Variants in C1orf52 observed in about 807,000 individuals in gnomAD.
The protein encoded by C1orf52 is UPF0690 protein C1orf52.
Under a neutral mutation model 17.2 loss-of-function variants are expected in C1orf52, and 5 were observed. The ratio of observed to expected loss-of-function variants is 0.29; its 90% CI spans 0.15 to 0.61. The LOEUF (loss-of-function observed/expected upper bound fraction) is 0.61. Among genes scored for constraint, C1orf52 ranks in the 20% least tolerant of loss-of-function variants. The pLI, the probability that C1orf52 is intolerant of heterozygous loss-of-function variation, is 0.85. For missense variants in C1orf52, 245 were observed against 234.1 expected (o/e 1.05, Z -0.30); for synonymous variants, 110 against 88.0 (o/e 1.25, Z -1.40).
intron 2 of C1orf52, among the ~76,000 whole-genome samples, chr1:85,254,173 T>G (rs1008914129): frequency 6.6e-6 from 1 of 152,144 alleles, no homozygotes; most frequent in Non-Finnish European, 1.5e-5. Context: ...TCAATACCAT[T>G]CATCTTCACT....
At position 85,259,618 on chromosome 1, in the gene C1orf52, T is replaced by C. The variant is rs544182512; in HGVS notation, c.16A>G (p.Lys6Glu). 4 of 1,562,036 alleles carry C rather than the reference T, an allele frequency of 2.6e-6. No individual in the cohort carries two copies. Among genetic ancestry groups the C allele is most frequent in the African/African-American group, 2.7e-5 (2 of 73,506 alleles). Residue 6 changes from lysine (K) to glutamate (E), a missense_variant, in exon 1 of 3, where the codon AAG (lysine) becomes GAG (glutamate). Physicochemically the swap from Lys to Glu is moderately conservative, Grantham distance 56. Coordinates refer to ENST00000471115, the MANE Select transcript of C1orf52 (RefSeq NM_198077.4). ...GCCGCAAAATAGCTCAGAGGGTCCTTCTCCTCCGCTGCCATGACGGCTGCG... is the reference window on the plus strand; with the variant it reads ...GCCGCAAAATAGCTCAGAGGGTCCTCCTCCTCCGCTGCCATGACGGCTGCG... MAAEE[K>E]DPLSYFAAYG...
intron 2 of C1orf52, among the ~76,000 whole-genome samples, chr1:85,256,814 A>AAAAAAAAAAAAAAG (rs1553178011): frequency 7.6e-4 from 82 of 108,166 alleles, no homozygotes; most frequent in Non-Finnish European, 1.0e-3. Context: ...AAAAAAAAAA[A>AAAAAAAAAAAAAAG]AAAAGAAAAG....
At chr1:85,259,266 G>T (rs1260608686) in intron 1 of C1orf52, 92 bp downstream of exon 1, 15 of 1,448,624 alleles carry the variant, frequency 1.0e-5, no homozygotes, top group Middle Eastern at 4.5e-4. Context: ...GACTGCGTGT[G>T]GGGGGATGGA....
At chr1:85,253,478 ATTT>A (rs1330244729) in intron 2 of C1orf52, among the ~76,000 whole-genome samples, 2 of 152,116 alleles carry the variant, frequency 1.3e-5, no homozygotes, top group Non-Finnish European at 2.9e-5. Context: ...TCTATTTGGA[ATTT>A]TATTCTAGTA....
In C1orf52 at chr1:85,251,243, G is replaced by A. The variant is rs1388375142; in HGVS notation, c.*1386C>T. 1 of 152,134 alleles carries A rather than the reference G, an allele frequency of 6.6e-6. No individual in the cohort carries two copies. Among genetic ancestry groups the A allele is most frequent in the Non-Finnish European group, 1.5e-5 (1 of 68,020 alleles). 9.4% of individuals were successfully genotyped at this position (152,134 alleles called of 1,614,324 possible). On this transcript the variant is annotated 3_prime_UTR_variant, in exon 3 of 3. Coordinates refer to ENST00000471115, the MANE Select transcript of C1orf52 (RefSeq NM_198077.4). ...CTAAATTATTTTTTGTAAAGATGAG[G>A]TCTTATCATGTTGTCTAGGCTGGTC...
chr1:85,257,376 C>T (rs530720380), intron 2 of C1orf52: 3 of 677,534 alleles, frequency 4.4e-6, no homozygotes, highest in Non-Finnish European at 5.4e-6. Flanking sequence ...AGTTTACTAG[C>T]CAGAGATAAG....
At chr1:85,257,744 G>A (rs1447623304) in intron 2 of C1orf52, among the ~76,000 whole-genome samples, 1 of 152,190 alleles carries the variant, frequency 6.6e-6, no homozygotes. Context: ...TTACTATGTA[G>A]TAATGCTCAG....
intron 2 of C1orf52, chr1:85,257,367 G>A (rs1287885526): frequency 1.2e-5 from 8 of 667,234 alleles, no homozygotes; most frequent in Non-Finnish European, 2.2e-5. Flanking sequence ...GGATGAATTA[G>A]TTTACTAGCC....
At chr1:85,257,030 T>A (rs1659961212) in intron 2 of C1orf52, among the ~76,000 whole-genome samples, 1 of 152,116 alleles carries the variant, frequency 6.6e-6, no homozygotes, top group South Asian at 2.1e-4. Context: ...AAAACATCAC[T>A]CCCTGCATGA....
In C1orf52 at chr1:85,251,048, T is replaced by C. The variant is rs1659789512; in HGVS notation, c.*1581A>G. On this transcript the variant is annotated 3_prime_UTR_variant, in exon 3 of 3. Transcript: ENST00000471115. ...CCATCATGCTGTTATGGACCTTCAT[T>C]CCACAAAGCACCATGGCTGATGCAA... 6.6e-6 allele frequency: 1 copy of C among 152,208 alleles called. No homozygotes were observed. The highest frequency in any genetic ancestry group is 1.5e-5 in the Non-Finnish European group (1 of 68,030). The allele number at this position is 152,208 out of a possible 1,614,324, so 9.4% of individuals were successfully genotyped here.
Position 85,251,639 on chromosome 1 carries a change from T to G in C1orf52, c.*990A>C, listed in dbSNP as rs1659804915. On this transcript the variant is annotated 3_prime_UTR_variant, in exon 3 of 3. Transcript: ENST00000471115. ...TTGAATTTCAGATAAACACATTTTTTGTATATGTCCTGAATATTAAATATA... is the reference window on the plus strand; with the variant it reads ...TTGAATTTCAGATAAACACATTTTTGGTATATGTCCTGAATATTAAATATA... 6.6e-6 allele frequency: 1 copy of G among 152,244 alleles called. No homozygotes were observed. Among genetic ancestry groups the G allele is most frequent in the South Asian group, 2.1e-4 (1 of 4,834 alleles). 9.4% of individuals were successfully genotyped at this position (152,244 alleles called of 1,614,324 possible).
Position 85,251,500 on chromosome 1 carries a change from T to C in C1orf52, c.*1129A>G, listed in dbSNP as rs908894139. 1 of 152,222 alleles carries C rather than the reference T, an allele frequency of 6.6e-6. No homozygotes were observed. Among genetic ancestry groups the C allele is most frequent in the South Asian group, 2.1e-4 (1 of 4,834 alleles). The allele number at this position is 152,222 out of a possible 1,614,324, so 9.4% of individuals were successfully genotyped here. ...ATTTTGGAACTCAACGATCACACCT[T>C]CCCAACTACTTCTTGTTCATTTTAT... On this transcript the variant is annotated 3_prime_UTR_variant, in exon 3 of 3. Transcript: ENST00000471115.
At chr1:85,256,814 A>AAG (rs1553178013) in intron 2 of C1orf52, among the ~76,000 whole-genome samples, 6 of 108,178 alleles carry the variant, frequency 5.5e-5, no homozygotes, top group African/African-American at 7.4e-5. Context: ...AAAAAAAAAA[A>AAG]AAAAGAAAAG....
chr1:85,252,341 T>C lies in C1orf52; in HGVS notation c.*288A>G, dbSNP rs1659820845. On this transcript the variant is annotated 3_prime_UTR_variant, in exon 3 of 3. Transcript: ENST00000471115. Reference sequence around the variant, plus strand: ...AAAGGTTTATAAGAACATTGGCATGTCAACATGTGACAAAACTCTCAAAGC... The same window carrying C: ...AAAGGTTTATAAGAACATTGGCATGCCAACATGTGACAAAACTCTCAAAGC... The C allele has an allele frequency of 5.3e-6, 2 of 375,316 alleles. No individual in the cohort carries two copies. The highest frequency in any genetic ancestry group is 1.1e-4 in the East Asian group (2 of 18,292). 23.2% of individuals were successfully genotyped at this position (375,316 alleles called of 1,614,324 possible).
In C1orf52 at chr1:85,251,137, C is replaced by T. The variant is rs927587591; in HGVS notation, c.*1492G>A. 2.6e-5 allele frequency: 4 copies of T among 151,974 alleles called. No homozygotes were observed. Among genetic ancestry groups the T allele is most frequent in the South Asian group, 2.1e-4 (1 of 4,820 alleles). 9.4% of individuals were successfully genotyped at this position (151,974 alleles called of 1,614,324 possible). A position where few individuals can be genotyped will look rare whatever the true frequency, so the allele number is the denominator to read the frequency against. On this transcript the variant is annotated 3_prime_UTR_variant, in exon 3 of 3. Transcript: ENST00000471115. ...TACACATGCCTAGGTAAACAAATCT[C>T]GCGTAATTGTTCAAATTTTATCTTC...
In C1orf52 at chr1:85,252,550, T is replaced by C; in HGVS notation, c.*79A>G. On this transcript the variant is annotated 3_prime_UTR_variant, in exon 3 of 3. Transcript: ENST00000471115. Reference sequence around the variant, plus strand: ...GCATTTTCATGGAGATGTGGCATAATAACCCACAATATCAACTTAATCTGT... The same window carrying C: ...GCATTTTCATGGAGATGTGGCATAACAACCCACAATATCAACTTAATCTGT... The C allele has an allele frequency of 8.4e-7, 1 of 1,187,198 alleles. No individual in the cohort carries two copies. Among genetic ancestry groups the C allele is most frequent in the Non-Finnish European group, 1.2e-6 (1 of 806,086 alleles). 73.5% of individuals were successfully genotyped at this position (1,187,198 alleles called of 1,614,324 possible).
rs181206155 is a variant in C1orf52 at position 85,253,533 on chromosome 1, C to G, written c.476-831G>C. Among the ~76,000 whole-genome samples the G allele has an allele frequency of 3.6e-3, 554 of 152,116 alleles. 1 individual carries two copies. Among genetic ancestry groups the G allele is most frequent in the Non-Finnish European group, 7.1e-3 (480 of 68,022 alleles). On this transcript the variant is annotated intron_variant, in intron 2 of 2. Transcript: ENST00000471115. The stretch of plus-strand genomic sequence containing the variant: ...CCCGCCCTCCCCATCCCCACTCCCA[C>G]GATGGCCAGAACATTTTAATGGCAA...
At chr1:85,257,035 G>C (rs1469136755) in intron 2 of C1orf52, among the ~76,000 whole-genome samples, 2 of 152,152 alleles carry the variant, frequency 1.3e-5, no homozygotes, top group Admixed American at 1.3e-4. Flanking sequence ...ATCACTCCCT[G>C]CATGACTGTT....
intron 2 of C1orf52, among the ~76,000 whole-genome samples, chr1:85,255,510 A>G (rs2100732656): frequency 6.6e-6 from 1 of 150,866 alleles, no homozygotes; most frequent in Non-Finnish European, 1.5e-5. Context: ...AGATCACACC[A>G]CTGCACTCCA....
Sources: gnomAD v4.1 joint callset for allele counts (sites outside exome capture counted in the v4.1 genomes callset) on GRCh38, gnomAD v4.1.1 for gene constraint, MANE v1.5 for transcripts, NCBI Gene and HGNC (gene_info 2026-07-23, HGNC 2026-07-21) for gene names.